GALNTL6: variants seen among roughly 807,000 people sequenced by gnomAD.
GALNTL6 encodes the protein polypeptide N-acetylgalactosaminyltransferase like 6, also known as polypeptide N-acetylgalactosaminyltransferase-like 6.
A neutral mutation model predicts 73.7 loss-of-function variants in GALNTL6; 46 were observed. The ratio of observed to expected loss-of-function variants is 0.62; its 90% CI spans 0.49 to 0.80. GALNTL6 has a LOEUF of 0.80. GALNTL6 is among the 30% of genes least tolerant of loss of function. The pLI is 0.00. For synonymous variants in GALNTL6, 259 were observed against 263.7 expected (o/e 0.98, Z 0.17); for missense variants, 604 against 755.0 (o/e 0.80, Z 2.34).
At chr4:172,334,169 T>G (rs1741230926) in intron 4 of GALNTL6, among the ~76,000 whole-genome samples, 1 of 152,226 alleles carries the variant, frequency 6.6e-6, no homozygotes, top group Non-Finnish European at 1.5e-5. Flanking sequence ...TAATATATTT[T>G]GAACTCAGGT....
At chr4:172,308,176 CT>C (rs2111137333) in intron 3 of GALNTL6, among the ~76,000 whole-genome samples, 2 of 57,098 alleles carry the variant, frequency 3.5e-5, no homozygotes, top group African/African-American at 2.2e-4. Context: ...TGAATTTTTA[CT>C]GTTTACTGGT....
intron 5 of GALNTL6, among the ~76,000 whole-genome samples, chr4:172,569,731 G>T (rs1039388729): frequency 1.3e-5 from 2 of 152,174 alleles, no homozygotes; most frequent in Non-Finnish European, 2.9e-5. Flanking sequence ...TGTTAGATAT[G>T]GGGTGCTTTT....
At chr4:172,193,182 TTAAG>T (rs1222927582) in intron 2 of GALNTL6, among the ~76,000 whole-genome samples, 1 of 152,180 alleles carries the variant, frequency 6.6e-6, no homozygotes, top group African/African-American at 2.4e-5. Context: ...GAGTGCTTCA[TTAAG>T]TGAGTCCCTG....
intron 3 of GALNTL6, among the ~76,000 whole-genome samples, chr4:172,301,174 G>A (rs534237200): frequency 2.6e-5 from 4 of 152,244 alleles, no homozygotes; most frequent in African/African-American, 9.6e-5. Flanking sequence ...ACTGAGGCTT[G>A]TGCATTCGTC....
intron 7 of GALNTL6, among the ~76,000 whole-genome samples, chr4:172,874,238 T>C (rs1461509767): frequency 6.6e-6 from 1 of 152,128 alleles, no homozygotes; most frequent in African/African-American, 2.4e-5. Flanking sequence ...TTGATGTTGG[T>C]GTTTATGGGA....
intron 7 of GALNTL6, among the ~76,000 whole-genome samples, chr4:172,831,053 G>C (rs11721456): frequency 0.66 from 76,949 of 117,292 alleles, 23,976 homozygotes; most frequent in Non-Finnish European, 0.74. Flanking sequence ...CAGCTACTGA[G>C]GAGGCTGAGG....
intron 7 of GALNTL6, among the ~76,000 whole-genome samples, chr4:172,824,059 A>G (rs1472032867): frequency 6.6e-6 from 1 of 152,184 alleles, no homozygotes; most frequent in Non-Finnish European, 1.5e-5. Flanking sequence ...GTTGGCGAGT[A>G]TAATCTTAGA....
intron 5 of GALNTL6, among the ~76,000 whole-genome samples, chr4:172,773,555 C>A (rs1473859800): frequency 6.6e-6 from 1 of 151,064 alleles, no homozygotes; most frequent in Non-Finnish European, 1.5e-5. Context: ...ATTGTTTCTA[C>A]AGGGGACTAA....
chr4:172,121,421 T>G (rs1334479497), intron 2 of GALNTL6, among the ~76,000 whole-genome samples: 1 of 152,128 alleles, frequency 6.6e-6, no homozygotes, highest in South Asian at 2.1e-4. Context: ...TTGTCAGGGT[T>G]TTAACACAAG....
chr4:172,742,872 T>C (rs1049758258), intron 5 of GALNTL6, among the ~76,000 whole-genome samples: 1 of 152,074 alleles, frequency 6.6e-6, no homozygotes, highest in Non-Finnish European at 1.5e-5. Context: ...GACCTGAGTC[T>C]AGGTAAGAAC....
chr4:172,609,670 C>CCAGGT (rs1323550323), intron 5 of GALNTL6, among the ~76,000 whole-genome samples: 1 of 43,390 alleles, frequency 2.3e-5, no homozygotes, highest in East Asian at 5.4e-4. Flanking sequence ...TGTGTGTCTG[C>CCAGGT]CAGGTTTTGG....
chr4:172,676,088 T>G (rs891348445), intron 5 of GALNTL6, among the ~76,000 whole-genome samples: 1 of 152,202 alleles, frequency 6.6e-6, no homozygotes, highest in African/African-American at 2.4e-5. Flanking sequence ...TATAATTTGC[T>G]TAACCCAAGA....
intron 2 of GALNTL6, among the ~76,000 whole-genome samples, chr4:172,048,913 A>G (rs1290450293): frequency 1.3e-5 from 2 of 152,020 alleles, no homozygotes; most frequent in Non-Finnish European, 2.9e-5. Context: ...TGCCCAACAT[A>G]CTTTAGTTTG....
intron 5 of GALNTL6, among the ~76,000 whole-genome samples, chr4:172,613,079 G>A (rs1738590279): frequency 6.6e-6 from 1 of 152,064 alleles, no homozygotes; most frequent in Admixed American, 6.6e-5. Flanking sequence ...CATGTACCAG[G>A]CATTGTGCTA....
chr4:172,746,631 G>A (rs1366734553), intron 5 of GALNTL6, among the ~76,000 whole-genome samples: 1 of 151,838 alleles, frequency 6.6e-6, no homozygotes, highest in African/African-American at 2.4e-5. Flanking sequence ...TGGACATAAT[G>A]TGGGTTTATA....
chr4:171,920,330 T>A (rs1317972918), intron 2 of GALNTL6, among the ~76,000 whole-genome samples: 1 of 151,826 alleles, frequency 6.6e-6, no homozygotes, highest in Admixed American at 6.6e-5. Flanking sequence ...TGTATACATA[T>A]GTAACAAACC....
intron 11 of GALNTL6, among the ~76,000 whole-genome samples, chr4:173,017,748 A>G (rs1274425609): frequency 6.6e-6 from 1 of 152,256 alleles, no homozygotes; most frequent in African/African-American, 2.4e-5. Flanking sequence ...AAGCATGATC[A>G]TGGCACTACA....
chr4:172,396,497 T>C (rs957008506), intron 5 of GALNTL6, among the ~76,000 whole-genome samples: 1 of 152,128 alleles, frequency 6.6e-6, no homozygotes, highest in East Asian at 1.9e-4. Flanking sequence ...TTTATGGAAG[T>C]GCAAGCCAAG....
intron 2 of GALNTL6, among the ~76,000 whole-genome samples, chr4:172,221,422 G>A (rs1292659030): frequency 6.6e-6 from 1 of 151,740 alleles, no homozygotes; most frequent in Non-Finnish European, 1.5e-5. Context: ...AAAACCATGA[G>A]TGTTTGAATA....
Sources: allele counts gnomAD v4.1 joint callset (sites outside exome capture counted in the v4.1 genomes callset), GRCh38; gene constraint gnomAD v4.1.1; transcripts MANE v1.5; gene names NCBI Gene and HGNC (gene_info 2026-07-23, HGNC 2026-07-21).